The following DGAT2 variants were observed in gnomAD, a reference collection of about 807,000 sequenced individuals.
The protein encoded by DGAT2 is acyl-CoA retinol O-fatty-acyltransferase.
A neutral mutation model predicts 48.4 loss-of-function variants in DGAT2; 33 were observed. The observed-to-expected ratio is 0.68, with a 90% confidence interval of 0.52 to 0.91. DGAT2 has a LOEUF of 0.91. Ranked by LOEUF, DGAT2 falls within the 40% of genes least tolerant of loss-of-function variation. DGAT2 has a pLI of 0.00. For synonymous variants in DGAT2, 191 were observed against 194.1 expected (o/e 0.98, Z 0.13); for missense variants, 446 against 493.7 (o/e 0.90, Z 0.92).
intron 1 of DGAT2, among the ~76,000 whole-genome samples, chr11:75,779,832 CTG>C (rs796228780): frequency 1.7e-4 from 26 of 152,336 alleles, no homozygotes; most frequent in African/African-American, 5.5e-4. Flanking sequence ...TCCCCCATCT[CTG>C]GGGTCAGTCC....
chr11:75,784,877 C>T, intron 2 of DGAT2, 131 bp downstream of exon 2: 1 of 1,237,126 alleles, frequency 8.1e-7, no homozygotes, highest in East Asian at 2.4e-5. Flanking sequence ...CCCACAGCAC[C>T]TTTCCACATC....
chr11:75,792,956 C>T (rs1006375741), intron 4 of DGAT2: 12 of 152,272 alleles, frequency 7.9e-5, no homozygotes, highest in East Asian at 3.8e-4. Context: ...ATCACCATGC[C>T]GTGCTGTGTA....
At chr11:75,785,732 G>A (rs1944915836) in intron 2 of DGAT2, among the ~76,000 whole-genome samples, 1 of 152,202 alleles carries the variant, frequency 6.6e-6, no homozygotes, top group Non-Finnish European at 1.5e-5. Context: ...AGGCTGGTAG[G>A]GGATCATCAG....
intron 6 of DGAT2, among the ~76,000 whole-genome samples, chr11:75,797,670 T>C (rs1056881325): frequency 1.3e-5 from 2 of 152,176 alleles, no homozygotes; most frequent in African/African-American, 4.8e-5. Flanking sequence ...GGAATGTGGC[T>C]GGGGGACAGC....
intron 4 of DGAT2, chr11:75,792,650 G>T (rs1056007512): frequency 1.3e-5 from 2 of 151,992 alleles, no homozygotes; most frequent in Non-Finnish European, 2.9e-5. Flanking sequence ...GCACAGGTGG[G>T]GTTCTTGTGT....
At chr11:75,788,997 A>G (rs1944954226) in intron 2 of DGAT2, among the ~76,000 whole-genome samples, 1 of 152,208 alleles carries the variant, frequency 6.6e-6, no homozygotes, top group Non-Finnish European at 1.5e-5. Context: ...GAGGGCAGCT[A>G]GTGGCGAGCC....
At chr11:75,773,636 C>G (rs559022951) in intron 1 of DGAT2, 17 of 152,426 alleles carry the variant, frequency 1.1e-4, no homozygotes, top group African/African-American at 4.1e-4. Flanking sequence ...AGACCCTGCT[C>G]TAGGGCATCC....
intron 1 of DGAT2, among the ~76,000 whole-genome samples, chr11:75,769,678 C>T (rs562286790): frequency 1.3e-5 from 2 of 152,068 alleles, no homozygotes; most frequent in East Asian, 3.9e-4. Context: ...TGAAATCAAC[C>T]CCCGCCCCGC....
intron 4 of DGAT2, 59 bp downstream of exon 4, chr11:75,790,790 G>A: frequency 6.3e-7 from 1 of 1,581,918 alleles, no homozygotes; most frequent in East Asian, 2.2e-5. Context: ...TCTGAACTCA[G>A]GCCTTAACCC....
In DGAT2 at chr11:75,798,409, C is replaced by G; in HGVS notation, c.992C>G (p.Ser331Cys). 2 of 1,613,422 alleles carry G rather than the reference C, an allele frequency of 1.2e-6. No individual in the cohort carries two copies. Among genetic ancestry groups the G allele is most frequent in the Non-Finnish European group, 1.7e-6 (2 of 1,180,024 alleles). Residue 331 changes from serine (S) to cysteine (C), a missense_variant, in exon 7 of 8, where the codon TCC (serine) becomes TGC (cysteine). By Grantham distance (112) the Ser-to-Cys change is moderately radical. Transcript: ENST00000228027. ...GACACCTGGGGGCTGGTGCCCTACT[C>G]CAAGCCCATCACCACTGTTGGTAAG... ...SSDTWGLVPY[S>C]KPITTVVGEP...
In DGAT2 at chr11:75,797,211, A is replaced by T. The variant is rs777413541; in HGVS notation, c.688A>T (p.Ser230Cys). Residue 230 changes from serine (S) to cysteine (C), a missense_variant, in exon 6 of 8, where the codon AGT (serine) becomes TGT (cysteine). Ser to Cys is a moderately radical substitution (Grantham distance 112). Transcript: ENST00000228027. Reference protein sequence around the residue: ...TIDYLLSKNGSGNAIIIVVGG... With the variant: ...TIDYLLSKNGCGNAIIIVVGG... The stretch of plus-strand genomic sequence containing the variant: ...AGACTATTTGCTTTCAAAGAATGGG[A>T]GTGGCAATGCTATCATCATCGTGGT... 2 of 1,572,808 alleles carry T rather than the reference A, an allele frequency of 1.3e-6. No homozygotes were observed. The highest frequency in any genetic ancestry group is 3.6e-5 in the Admixed American group (2 of 55,026).
intron 1 of DGAT2, among the ~76,000 whole-genome samples, chr11:75,770,309 T>G (rs1944744835): frequency 6.6e-6 from 1 of 152,116 alleles, no homozygotes; most frequent in Non-Finnish European, 1.5e-5. Context: ...TGGCATTGCT[T>G]CTTGTGTGAT....
intron 1 of DGAT2, among the ~76,000 whole-genome samples, chr11:75,771,813 G>A (rs1944760793): frequency 6.6e-6 from 1 of 152,152 alleles, no homozygotes; most frequent in African/African-American, 2.4e-5. Flanking sequence ...AGAAAGGAGG[G>A]CCAAGAGTAA....
intron 1 of DGAT2, among the ~76,000 whole-genome samples, chr11:75,781,911 T>C (rs1944868649): frequency 6.6e-6 from 1 of 152,146 alleles, no homozygotes; most frequent in Non-Finnish European, 1.5e-5. Context: ...GCAGAGAGAT[T>C]TGGATTAGGC....
At chr11:75,784,221 T>C (rs1261018757) in intron 1 of DGAT2, among the ~76,000 whole-genome samples, 4 of 152,146 alleles carry the variant, frequency 2.6e-5, no homozygotes, top group Admixed American at 6.5e-5. Flanking sequence ...CACAGACAGA[T>C]AGCAAAATTA....
chr11:75,787,041 C>G (rs1003732405), intron 2 of DGAT2, among the ~76,000 whole-genome samples: 1 of 151,982 alleles, frequency 6.6e-6, no homozygotes, highest in African/African-American at 2.4e-5. Context: ...TACTATAGTT[C>G]TTAAGTAGTG....
intron 1 of DGAT2, 118 bp from the exon 2 acceptor site, chr11:75,784,500 C>G: frequency 7.1e-7 from 1 of 1,412,460 alleles, no homozygotes; most frequent in Non-Finnish European, 9.7e-7. Flanking sequence ...CTGTCTGATT[C>G]TATAGCTGAT....
chr11:75,796,637 G>A, intron 5 of DGAT2, 105 bp downstream of exon 5: 1 of 1,236,238 alleles, frequency 8.1e-7, no homozygotes, highest in Non-Finnish European at 1.1e-6. Context: ...CCTTGGTGCT[G>A]GGCCTGCATT....
At position 75,779,999 on chromosome 11, in the gene DGAT2, A is replaced by G. The variant is rs992859840; in HGVS notation, c.122-4619A>G. Among the ~76,000 whole-genome samples, 4 of 152,250 alleles carry G rather than the reference A, an allele frequency of 2.6e-5. No individual in the cohort carries two copies. In the South Asian group the frequency reaches 8.3e-4, roughly 32 times the overall value. On this transcript the variant is annotated intron_variant, in intron 1 of 7. Transcript: ENST00000228027. ...GAGCCCCTCTTACCACAGATGAATC[A>G]GGTACCAAGTCCTGGCACCCATGCG...
Sources: allele counts gnomAD v4.1 joint callset (sites outside exome capture counted in the v4.1 genomes callset), GRCh38; gene constraint gnomAD v4.1.1; transcripts MANE v1.5; gene names NCBI Gene and HGNC (gene_info 2026-07-23, HGNC 2026-07-21).